COP1: variants seen among roughly 807,000 people sequenced by gnomAD.
COP1 encodes E3 ubiquitin-protein ligase COP1.
Under a neutral mutation model 101.3 loss-of-function variants are expected in COP1, and 24 were observed. The observed-to-expected ratio is 0.24, with a 90% CI of 0.17 to 0.33. COP1 has a LOEUF of 0.33. Among genes scored for constraint, COP1 ranks in the 10% least tolerant of loss-of-function variants. COP1 has a pLI of 1.00. For synonymous variants in COP1, 347 were observed against 341.9 expected, an observed-to-expected ratio of 1.01 and a Z score of -0.17; for missense variants, 663 against 906.2, an observed-to-expected ratio of 0.73 and a Z score of 3.45.
At chr1:176,155,320 AAAAT>A (rs1053411063) in intron 5 of COP1, among the ~76,000 whole-genome samples, 2 of 151,988 alleles carry the variant, frequency 1.3e-5, no homozygotes, top group Non-Finnish European at 2.9e-5. Context: ...CCTAAAAACT[AAAAT>A]AAATAAATAA....
chr1:176,045,168 CAAT>C (rs775412358), intron 12 of COP1, among the ~76,000 whole-genome samples: 120 of 152,130 alleles, frequency 7.9e-4, no homozygotes, highest in Admixed American at 2.7e-3. Context: ...TAAAATGGAG[CAAT>C]AATGGTAACT....
intron 1 of COP1, among the ~76,000 whole-genome samples, chr1:176,202,922 T>C (rs1700416225): frequency 6.6e-6 from 1 of 152,126 alleles, no homozygotes; most frequent in African/African-American, 2.4e-5. Flanking sequence ...TCGAATTAAA[T>C]CATGAGCTCC....
At chr1:176,122,395 A>C (rs1687285502) in intron 8 of COP1, among the ~76,000 whole-genome samples, 1 of 152,154 alleles carries the variant, frequency 6.6e-6, no homozygotes, top group African/African-American at 2.4e-5. Context: ...AAGGCAGGAA[A>C]GGAATATGAC....
chr1:176,051,835 A>G (rs2149241055), intron 11 of COP1, among the ~76,000 whole-genome samples: 1 of 152,264 alleles, frequency 6.6e-6, no homozygotes, highest in East Asian at 1.9e-4. Context: ...TAAATAGAAA[A>G]GGGTATGAAG....
intron 18 of COP1, among the ~76,000 whole-genome samples, chr1:175,978,509 T>G (rs1358767494): frequency 6.6e-6 from 1 of 152,174 alleles, no homozygotes; most frequent in African/African-American, 2.4e-5. Flanking sequence ...TGCCTCAGTT[T>G]TCTACCACCT....
chr1:176,069,272 T>C (rs1676564745), intron 11 of COP1, among the ~76,000 whole-genome samples: 1 of 151,792 alleles, frequency 6.6e-6, no homozygotes, highest in Non-Finnish European at 1.5e-5. Context: ...TAAAAGTAAA[T>C]ATGTTAGTGC....
rs528987862 is a variant in COP1 at position 176,206,153 on chromosome 1, C to G, written c.407+419G>C. 2.0e-5 allele frequency among the ~76,000 whole-genome samples: 3 copies of G among 152,212 alleles called. No individual in the cohort carries two copies. In the East Asian group the frequency reaches 5.8e-4, roughly 29 times the overall value. On this transcript the variant is annotated intron_variant, in intron 1 of 19. Coordinates refer to ENST00000367669, the MANE Select transcript of COP1 (RefSeq NM_022457.7). ...CCTCTGCATCCGAGGAAGCTTAGTC[C>G]TCTCCATTTGCAAATTTCATTCATC...
At chr1:175,968,474 C>T (rs1239369338) in intron 18 of COP1, 2 of 519,098 alleles carry the variant, frequency 3.9e-6, no homozygotes, top group Admixed American at 1.9e-5. Context: ...TATGTAGGAT[C>T]GCTGCAATCT....
chr1:176,111,718 A>G lies in COP1; in HGVS notation c.1026+4906T>C, dbSNP rs149083978. On this transcript the variant is annotated intron_variant, in intron 9 of 19. Transcript: ENST00000367669. ...GAAAAAAACTGTCTATTTTGTTCAT[A>G]CTTTTGGGTTTTTTTCAGTTTTACA... Among the ~76,000 whole-genome samples, 400 of 152,210 alleles carry G rather than the reference A, an allele frequency of 2.6e-3. 3 individuals are homozygous for G. Among genetic ancestry groups the G allele is most frequent in the African/African-American group, 9.2e-3 (382 of 41,552 alleles).
intron 6 of COP1, among the ~76,000 whole-genome samples, chr1:176,145,256 C>T (rs1017490592): frequency 6.6e-6 from 1 of 152,030 alleles, no homozygotes; most frequent in African/African-American, 2.4e-5. Context: ...AGGTGCTCAA[C>T]CTCATAAGTC....
At chr1:176,019,861 C>T (rs75288311) in intron 15 of COP1, among the ~76,000 whole-genome samples, 1 of 147,816 alleles carries the variant, frequency 6.8e-6, no homozygotes, top group East Asian at 2.0e-4. Context: ...AATCCTGTCT[C>T]AAAAAAAAAA....
intron 15 of COP1, among the ~76,000 whole-genome samples, chr1:176,020,603 T>G (rs10753116): frequency 0.97 from 148,116 of 152,302 alleles, 72,166 homozygotes; most frequent in East Asian, 1. Context: ...GCTCTACCTG[T>G]GCGGTGGAGG....
chr1:176,024,999 A>G (rs945104890), intron 15 of COP1, among the ~76,000 whole-genome samples: 11 of 152,194 alleles, frequency 7.2e-5, no homozygotes, highest in African/African-American at 2.7e-4. Flanking sequence ...TACCAATTAA[A>G]TATAGTAGTT....
In COP1 at chr1:175,986,059, G is replaced by A. The variant is rs796162471; in HGVS notation, c.2133+884C>T. Reference sequence around the variant, plus strand: ...TTCTGAGACAGAGTCTCACTCTGTCGCCCAGGCTGGACTGCAGTGGCGCGA... The same window carrying A: ...TTCTGAGACAGAGTCTCACTCTGTCACCCAGGCTGGACTGCAGTGGCGCGA... On this transcript the variant is annotated intron_variant, in intron 18 of 19. Transcript: ENST00000367669. 1.9e-4 allele frequency among the ~76,000 whole-genome samples: 29 copies of A among 152,086 alleles called. 1 individual carries two copies. The highest frequency in any genetic ancestry group is 6.5e-4 in the African/African-American group (27 of 41,506).
intron 2 of COP1, among the ~76,000 whole-genome samples, chr1:176,180,743 T>C (rs1697630195): frequency 6.6e-6 from 1 of 151,990 alleles, no homozygotes; most frequent in African/African-American, 2.4e-5. Context: ...AATCAGAAAA[T>C]TCTAGAAAAA....
intron 18 of COP1, among the ~76,000 whole-genome samples, chr1:175,951,433 C>A (rs1436119666): frequency 6.4e-5 from 3 of 46,574 alleles, no homozygotes; most frequent in East Asian, 1.9e-3. Context: ...ATATAAGATA[C>A]GTGAATATAT....
chr1:176,202,606 G>A (rs1700384642), intron 1 of COP1, among the ~76,000 whole-genome samples: 1 of 151,692 alleles, frequency 6.6e-6, no homozygotes, highest in African/African-American at 2.4e-5. Flanking sequence ...GCTAAGACAT[G>A]AAGATTGCTT....
intron 9 of COP1, among the ~76,000 whole-genome samples, chr1:176,107,923 C>G (rs887890272): frequency 1.3e-5 from 2 of 152,114 alleles, no homozygotes; most frequent in Non-Finnish European, 2.9e-5. Flanking sequence ...ATAACTTACA[C>G]TCTTCAAGAA....
At chr1:176,075,303 T>C (rs1234916832) in intron 11 of COP1, among the ~76,000 whole-genome samples, 2 of 152,180 alleles carry the variant, frequency 1.3e-5, no homozygotes, top group African/African-American at 4.8e-5. Flanking sequence ...CAATAAAAGA[T>C]CTCCTCCAAT....
Sources: allele counts gnomAD v4.1 joint callset (sites outside exome capture counted in the v4.1 genomes callset), GRCh38; gene constraint gnomAD v4.1.1; transcripts MANE v1.5; gene names NCBI Gene and HGNC (gene_info 2026-07-23, HGNC 2026-07-21).